WARS2: variants seen among roughly 807,000 people sequenced by gnomAD.
WARS2 encodes tryptophanyl tRNA synthetase 2, mitochondrial.
A neutral mutation model predicts 36.5 loss-of-function variants in WARS2; 28 were observed. The ratio of observed to expected loss-of-function variants is 0.77; its 90% CI spans 0.57 to 1.05. The LOEUF (loss-of-function observed/expected upper bound fraction) is 1.05. Among genes scored for constraint, WARS2 ranks in the 50% least tolerant of loss-of-function variants. The probability of loss-of-function intolerance (pLI) is 0.00; values close to 1 mark genes in which losing one functional copy is unlikely to be tolerated. For missense variants in WARS2, 435 were observed against 456.8 expected (o/e 0.95, Z 0.44); for synonymous variants, 174 against 178.4 (o/e 0.98, Z 0.20).
chr1:119,098,528 C>G (rs1219764552), intron 1 of WARS2, among the ~76,000 whole-genome samples: 1 of 151,976 alleles, frequency 6.6e-6, no homozygotes, highest in East Asian at 1.9e-4. Flanking sequence ...ACCTCTGCCC[C>G]CTGGGTTCAA....
chr1:119,132,528 C>T (rs899868075), intron 1 of WARS2, among the ~76,000 whole-genome samples: 1 of 152,146 alleles, frequency 6.6e-6, no homozygotes, highest in Non-Finnish European at 1.5e-5. Context: ...GCTGCTCAGA[C>T]CATTCTCCCC....
At position 119,118,844 on chromosome 1, in the gene WARS2, G is replaced by A. The variant is rs587632661; in HGVS notation, c.90+21711C>T. On this transcript the variant is annotated intron_variant, in intron 1 of 5. Coordinates refer to ENST00000235521, the MANE Select transcript of WARS2 (RefSeq NM_015836.4). ...TCCAGCAAAACTAAGTTTCAGAAAT[G>A]AAGGAGAGATAAAGCCATTTTCAGA... 7.2e-5 allele frequency among the ~76,000 whole-genome samples: 11 copies of A among 152,236 alleles called. No homozygotes were observed. The South Asian group carries it at 8.3e-4, about 11-fold the overall frequency.
At chr1:119,138,431 T>G (rs1656665654) in intron 1 of WARS2, among the ~76,000 whole-genome samples, 2 of 152,190 alleles carry the variant, frequency 1.3e-5, no homozygotes, top group Admixed American at 1.3e-4. Flanking sequence ...ATTTATGATT[T>G]CAAAACGTTT....
intron 1 of WARS2, among the ~76,000 whole-genome samples, chr1:119,078,679 G>A (rs1157285616): frequency 6.6e-6 from 1 of 152,014 alleles, no homozygotes; most frequent in South Asian, 2.1e-4. Context: ...AGATTGGATT[G>A]TCTTGTATTG....
chr1:119,116,239 T>C (rs993772504), intron 1 of WARS2, among the ~76,000 whole-genome samples: 43 of 152,110 alleles, frequency 2.8e-4, no homozygotes, highest in African/African-American at 9.4e-4. Context: ...AGTTAGTAAG[T>C]GGAGGAGGCA....
At chr1:119,089,588 T>A (rs1461238881) in intron 1 of WARS2, among the ~76,000 whole-genome samples, 1 of 152,182 alleles carries the variant, frequency 6.6e-6, no homozygotes, top group Non-Finnish European at 1.5e-5. Flanking sequence ...TTTATTAGTA[T>A]AACCCTGGCA....
intron 2 of WARS2, among the ~76,000 whole-genome samples, chr1:119,067,404 G>T (rs930668761): frequency 2.0e-5 from 3 of 152,142 alleles, no homozygotes; most frequent in Non-Finnish European, 4.4e-5. Context: ...ATGCCAAAAG[G>T]CAAGCAATTC....
chr1:119,062,700 A>T (rs1343752590), intron 2 of WARS2, among the ~76,000 whole-genome samples: 2 of 152,016 alleles, frequency 1.3e-5, no homozygotes, highest in African/African-American at 4.8e-5. Context: ...GTCTCACTAG[A>T]TCTGATGGGT....
intron 2 of WARS2, among the ~76,000 whole-genome samples, chr1:119,052,633 T>G (rs895247589): frequency 3.3e-5 from 5 of 152,208 alleles, no homozygotes; most frequent in African/African-American, 2.4e-5. Context: ...TGTTCTTGAT[T>G]TAAAAGTCAC....
intron 1 of WARS2, among the ~76,000 whole-genome samples, chr1:119,098,247 TCAAAA>T (rs913983817): frequency 9.9e-5 from 15 of 152,010 alleles, no homozygotes; most frequent in South Asian, 4.1e-4. Context: ...AGACACCGTC[TCAAAA>T]CAAAACAAAA....
At chr1:119,069,865 G>A (rs1304437763) in intron 2 of WARS2, among the ~76,000 whole-genome samples, 8 of 152,128 alleles carry the variant, frequency 5.3e-5, no homozygotes, top group Non-Finnish European at 1.0e-4. Context: ...GGGCCTTGAG[G>A]TCAGCCCCAA....
At position 119,094,781 on chromosome 1, in the gene WARS2, G is replaced by C. The variant is rs150572731; in HGVS notation, c.91-18174C>G. ...TCCTCATGTTGTATTTAGATCTCTA[G>C]ACTTGTTCATCCTACATATCTGCTA... On this transcript the variant is annotated intron_variant, in intron 1 of 5. Transcript: ENST00000235521. 7.8e-3 allele frequency among the ~76,000 whole-genome samples: 1,183 copies of C among 152,004 alleles called. 12 individuals are homozygous for C. The highest frequency in any genetic ancestry group is 0.027 in the African/African-American group (1,124 of 41,458).
intron 2 of WARS2, among the ~76,000 whole-genome samples, chr1:119,068,135 G>A (rs1022972634): frequency 5.9e-5 from 9 of 152,126 alleles, no homozygotes; most frequent in African/African-American, 2.2e-4. Context: ...ACTAATCTAC[G>A]CAGACGTTTG....
At chr1:119,052,505 T>C (rs1649448418) in intron 2 of WARS2, among the ~76,000 whole-genome samples, 1 of 152,224 alleles carries the variant, frequency 6.6e-6, no homozygotes, top group East Asian at 1.9e-4. Flanking sequence ...CTTCAACTGG[T>C]CTTCCCCCAC....
intron 1 of WARS2, chr1:119,082,508 C>T: frequency 1.0e-6 from 1 of 957,570 alleles, no homozygotes; most frequent in South Asian, 4.8e-5. Flanking sequence ...AGTTAAATAA[C>T]CTGCATAAAG....
chr1:119,045,750 T>C (rs1240046132), intron 2 of WARS2, 88 bp from the exon 3 acceptor site: 11 of 1,064,974 alleles, frequency 1.0e-5, no homozygotes, highest in Non-Finnish European at 1.5e-5. Context: ...ACCCTAAATG[T>C]CTGAAAATAC....
At chr1:119,120,805 C>A (rs748370155) in intron 1 of WARS2, among the ~76,000 whole-genome samples, 8 of 152,090 alleles carry the variant, frequency 5.3e-5, no homozygotes, top group African/African-American at 1.9e-4. Flanking sequence ...ATATGATCAT[C>A]TCAACAGATG....
intron 1 of WARS2, among the ~76,000 whole-genome samples, chr1:119,134,497 G>A (rs1656355258): frequency 6.6e-6 from 1 of 152,112 alleles, no homozygotes; most frequent in East Asian, 1.9e-4. Flanking sequence ...TTAATGAGTA[G>A]AAACCTAACA....
chr1:119,112,633 T>C (rs1654720612), intron 1 of WARS2, among the ~76,000 whole-genome samples: 1 of 152,206 alleles, frequency 6.6e-6, no homozygotes, highest in South Asian at 2.1e-4. Flanking sequence ...CATTCTATTT[T>C]CTTAATGAAG....
Sources: allele counts gnomAD v4.1 joint callset (sites outside exome capture counted in the v4.1 genomes callset), GRCh38; gene constraint gnomAD v4.1.1; transcripts MANE v1.5; gene names NCBI Gene and HGNC (gene_info 2026-07-23, HGNC 2026-07-21).